ZCWPW2: variants seen among roughly 807,000 people sequenced by gnomAD.
ZCWPW2 encodes zinc finger CW-type PWWP domain protein 2.
In ZCWPW2, 45 loss-of-function variants were observed where a neutral mutation model predicts 46.6. The observed-to-expected ratio is 0.96, with a 90% CI of 0.76 to 1.24. The LOEUF is 1.24. Among genes scored for constraint, ZCWPW2 ranks in the 50% most tolerant of loss-of-function variants. ZCWPW2 has a pLI of 0.00. For missense variants in ZCWPW2, 429 were observed against 403.9 expected, an observed-to-expected ratio of 1.06 and a Z score of -0.53; for synonymous variants, 152 against 137.1, an observed-to-expected ratio of 1.11 and a Z score of -0.76.
At chr3:28,358,340 G>A (rs1191548110) in intron 1 of ZCWPW2, among the ~76,000 whole-genome samples, 4 of 152,012 alleles carry the variant, frequency 2.6e-5, no homozygotes, top group East Asian at 3.9e-4. Context: ...TACTGCCAAC[G>A]TAGGCACTGA....
chr3:28,460,493 G>A (rs1242540267), intron 4 of ZCWPW2, among the ~76,000 whole-genome samples: 1 of 152,144 alleles, frequency 6.6e-6, no homozygotes, highest in East Asian at 1.9e-4. Flanking sequence ...ATTATTTGAA[G>A]ATTGTATGAA....
intron 1 of ZCWPW2, among the ~76,000 whole-genome samples, chr3:28,379,498 T>G (rs1705603777): frequency 6.6e-6 from 1 of 152,170 alleles, no homozygotes; most frequent in Admixed American, 6.5e-5. Flanking sequence ...AAGTAGAAAG[T>G]TTGTCTGTGT....
intron 6 of ZCWPW2, among the ~76,000 whole-genome samples, chr3:28,497,615 G>C (rs978442602): frequency 6.6e-6 from 1 of 152,080 alleles, no homozygotes. Context: ...TGAATCAGGA[G>C]TGGACCTTGA....
At chr3:28,452,055 A>G (rs1186044844) in intron 4 of ZCWPW2, among the ~76,000 whole-genome samples, 4 of 152,228 alleles carry the variant, frequency 2.6e-5, no homozygotes, top group African/African-American at 9.6e-5. Flanking sequence ...GAATTAGAGC[A>G]TGACTCTATA....
At chr3:28,396,487 A>G (rs2125723198) in intron 2 of ZCWPW2, among the ~76,000 whole-genome samples, 1 of 152,326 alleles carries the variant, frequency 6.6e-6, no homozygotes, top group South Asian at 2.1e-4. Context: ...TTATATGTTC[A>G]GTATTGCAGT....
chr3:28,474,380 A>G (rs1699149038), intron 4 of ZCWPW2, among the ~76,000 whole-genome samples: 1 of 152,192 alleles, frequency 6.6e-6, no homozygotes, highest in African/African-American at 2.4e-5. Context: ...CTTTCAGTAT[A>G]CTTTCAAGTG....
At chr3:28,349,510 C>G (rs1704450190) in intron 1 of ZCWPW2, among the ~76,000 whole-genome samples, 1 of 152,174 alleles carries the variant, frequency 6.6e-6, no homozygotes, top group South Asian at 2.1e-4. Context: ...GACACCACGA[C>G]TTCTAGCACA....
intron 1 of ZCWPW2, among the ~76,000 whole-genome samples, chr3:28,375,904 G>C (rs1014282928): frequency 3.9e-5 from 6 of 151,972 alleles, no homozygotes; most frequent in African/African-American, 1.5e-4. Context: ...TTGTGTTTCT[G>C]TTCCTGACTT....
chr3:28,488,235 T>A (rs146051367), intron 5 of ZCWPW2, among the ~76,000 whole-genome samples: 287 of 152,260 alleles, frequency 1.9e-3, no homozygotes, highest in African/African-American at 6.5e-3. Context: ...ACCCCTATAC[T>A]AGTTTCCACC....
At chr3:28,505,876 G>A (rs1700262081) in intron 6 of ZCWPW2, among the ~76,000 whole-genome samples, 1 of 151,834 alleles carries the variant, frequency 6.6e-6, no homozygotes, top group South Asian at 2.1e-4. Context: ...AGAACTAACA[G>A]ACTCATTCTT....
Position 28,507,144 on chromosome 3 carries a change from T to A in ZCWPW2, c.658-6920T>A, listed in dbSNP as rs373609732. On this transcript the variant is annotated intron_variant, in intron 6 of 9. Transcript: ENST00000383768. ...ATACCAAATGCTGTGCTCTTCTCCA[T>A]CACATTTTATCAAAGGCTCATACTA... 7.2e-5 allele frequency among the ~76,000 whole-genome samples: 11 copies of A among 152,160 alleles called. 1 individual carries two copies. In the East Asian group the frequency reaches 2.1e-3, roughly 29 times the overall value.
chr3:28,450,413 G>T (rs1214278329), intron 4 of ZCWPW2, among the ~76,000 whole-genome samples: 1 of 152,146 alleles, frequency 6.6e-6, no homozygotes, highest in East Asian at 1.9e-4. Flanking sequence ...TGTAGATATT[G>T]CTGATTCAGA....
intron 6 of ZCWPW2, among the ~76,000 whole-genome samples, chr3:28,495,752 GA>G (rs1002989804): frequency 1.3e-5 from 2 of 151,988 alleles, no homozygotes; most frequent in African/African-American, 4.8e-5. Context: ...ATAGACTGGG[GA>G]AAAAACTGAT....
At chr3:28,521,384 T>A (rs1455937410) in intron 9 of ZCWPW2, among the ~76,000 whole-genome samples, 1 of 152,188 alleles carries the variant, frequency 6.6e-6, no homozygotes, top group African/African-American at 2.4e-5. Flanking sequence ...AGATGGATGA[T>A]GCTCACTATA....
At chr3:28,454,122 G>A (rs1161140924) in intron 4 of ZCWPW2, among the ~76,000 whole-genome samples, 1 of 152,060 alleles carries the variant, frequency 6.6e-6, no homozygotes, top group Non-Finnish European at 1.5e-5. Flanking sequence ...GGGATTACAG[G>A]CGTGAGCCAC....
chr3:28,426,337 A>G lies in ZCWPW2; in HGVS notation c.333-8773A>G, dbSNP rs182010932. Among the ~76,000 whole-genome samples the G allele has an allele frequency of 1.6e-3, 246 of 151,940 alleles. 3 individuals are homozygous for G. The highest frequency in any genetic ancestry group is 5.6e-3 in the African/African-American group (231 of 41,488). ...AAATGGTGCATATCTCACTTAATTCAGGAAGATACATTGTCAAGCAGAAAC... is the reference window on the plus strand; with the variant it reads ...AAATGGTGCATATCTCACTTAATTCGGGAAGATACATTGTCAAGCAGAAAC... On this transcript the variant is annotated intron_variant, in intron 3 of 9. Coordinates refer to ENST00000383768, the MANE Select transcript of ZCWPW2 (RefSeq NM_001040432.4).
Position 28,478,874 on chromosome 3 carries a change from C to G in ZCWPW2, c.553C>G (p.Leu185Val), listed in dbSNP as rs1322063097. The stretch of plus-strand genomic sequence containing the variant: ...AAGTGCACTACAAGAAGCATGTCTA[C>G]TCTATGGATATTCTCATGAGCAAAG... The part of the protein sequence containing the change: ...YKSALQEACL[L>V]YGYSHEQRLE... Residue 185 changes from leucine (L) to valine (V), a missense_variant, in exon 5 of 10, where the codon CTC becomes GTC. Coordinates refer to ENST00000383768, the MANE Select transcript of ZCWPW2 (RefSeq NM_001040432.4). The G allele has an allele frequency of 6.3e-7, 1 of 1,589,050 alleles. No individual in the cohort carries two copies. The highest frequency in any genetic ancestry group is 8.5e-7 in the Non-Finnish European group (1 of 1,170,852).
At chr3:28,522,427 T>G (rs1700747625) in intron 9 of ZCWPW2, among the ~76,000 whole-genome samples, 1 of 152,172 alleles carries the variant, frequency 6.6e-6, no homozygotes, top group South Asian at 2.1e-4. Flanking sequence ...TTTGAGCAAC[T>G]GCCTATCTCG....
At position 28,366,019 on chromosome 3, in the gene ZCWPW2, C is replaced by T. The variant is rs147992997; in HGVS notation, c.-134+16816C>T. Among the ~76,000 whole-genome samples the T allele has an allele frequency of 9.4e-3, 1,424 of 151,648 alleles. 21 individuals carry two copies. The highest frequency in any genetic ancestry group is 0.041 in the East Asian group (212 of 5,174). On this transcript the variant is annotated intron_variant, in intron 1 of 9. Transcript: ENST00000383768. ...GCGTCCTGAGACTTTGCTGAAGTTGCCTATCAGCTTAAGGAGATTTTGGGC... is the reference window on the plus strand; with the variant it reads ...GCGTCCTGAGACTTTGCTGAAGTTGTCTATCAGCTTAAGGAGATTTTGGGC...
Sources: gnomAD v4.1 joint callset for allele counts (sites outside exome capture counted in the v4.1 genomes callset) on GRCh38, gnomAD v4.1.1 for gene constraint, MANE v1.5 for transcripts, NCBI Gene and HGNC (gene_info 2026-07-23, HGNC 2026-07-21) for gene names.